Variants in MATCAP2 observed in about 807,000 individuals in gnomAD.
MATCAP2 encodes microtubule associated tyrosine carboxypeptidase 2.
the MATCAP2 span, among the ~76,000 whole-genome samples, chr7:36,375,080 G>A: frequency 3.9e-4 from 60 of 152,238 alleles, no homozygotes; most frequent in African/African-American, 1.2e-3. Context: ...GGATCAAATC[G>A]TATTTCTAGT....
At chr7:36,334,047 A>G in the MATCAP2 span, 1 of 1,614,158 alleles carries the variant, frequency 6.2e-7, no homozygotes, top group South Asian at 1.1e-5. Context: ...AACACTGTGA[A>G]TGCTTGCTAG....
chr7:36,364,317 A>G, the MATCAP2 span, among the ~76,000 whole-genome samples: 2 of 152,034 alleles, frequency 1.3e-5, no homozygotes, highest in Non-Finnish European at 2.9e-5. Context: ...TGAACTCCTG[A>G]GCTCAGGTAA....
the MATCAP2 span, among the ~76,000 whole-genome samples, chr7:36,378,494 G>A: frequency 6.6e-6 from 1 of 152,328 alleles, no homozygotes; most frequent in Non-Finnish European, 1.5e-5. Context: ...GCACCCAGCT[G>A]TATGAGGTGT....
chr7:36,363,397 T>C, the MATCAP2 span, among the ~76,000 whole-genome samples: 73 of 152,368 alleles, frequency 4.8e-4, no homozygotes, highest in African/African-American at 1.7e-3. Context: ...TCACAGCATT[T>C]TGTTAATGAA....
the MATCAP2 span, among the ~76,000 whole-genome samples, chr7:36,373,848 G>A: frequency 2.9e-4 from 44 of 151,984 alleles, no homozygotes; most frequent in Non-Finnish European, 5.3e-4. Flanking sequence ...GCAGTGGCAC[G>A]ATCTCAGCTC....
At chr7:36,385,787 A>AAAAAT in the MATCAP2 span, among the ~76,000 whole-genome samples, 21,897 of 119,160 alleles carry the variant, frequency 0.18, 2,461 homozygotes, top group South Asian at 0.24. Context: ...CCCTATTTCA[A>AAAAAT]AAAATAAAAT....
the MATCAP2 span, among the ~76,000 whole-genome samples, chr7:36,329,057 A>G: frequency 6.6e-6 from 1 of 152,128 alleles, no homozygotes; most frequent in African/African-American, 2.4e-5. Context: ...AAAATAAATA[A>G]ATAAATAAAA....
At chr7:36,379,843 C>CAGAGAGAGAG in the MATCAP2 span, among the ~76,000 whole-genome samples, 855 of 127,220 alleles carry the variant, frequency 6.7e-3, 6 homozygotes, top group Non-Finnish European at 0.01. Flanking sequence ...CACACACACA[C>CAGAGAGAGAG]ACACAGAGAG....
the MATCAP2 span, among the ~76,000 whole-genome samples, chr7:36,354,341 A>G: frequency 2.6e-5 from 4 of 152,250 alleles, no homozygotes; most frequent in African/African-American, 9.6e-5. Context: ...CCTCGGTTCC[A>G]CTGTGGCAGA....
chr7:36,359,945 T>C, the MATCAP2 span, among the ~76,000 whole-genome samples: 2 of 152,028 alleles, frequency 1.3e-5, no homozygotes, highest in Non-Finnish European at 2.9e-5. Flanking sequence ...AGGGAAAGAC[T>C]GAAAGAACTC....
the MATCAP2 span, among the ~76,000 whole-genome samples, chr7:36,348,834 G>A: frequency 6.6e-6 from 1 of 152,196 alleles, no homozygotes; most frequent in East Asian, 1.9e-4. Context: ...TAAGCATATA[G>A]AAACTAAAGA....
At chr7:36,348,438 A>T in the MATCAP2 span, among the ~76,000 whole-genome samples, 1 of 152,242 alleles carries the variant, frequency 6.6e-6, no homozygotes, top group East Asian at 1.9e-4. Flanking sequence ...GCATATTTAC[A>T]TTCCAATGCT....
chr7:36,330,502 T>G, the MATCAP2 span, among the ~76,000 whole-genome samples: 1 of 152,172 alleles, frequency 6.6e-6, no homozygotes, highest in Non-Finnish European at 1.5e-5. Context: ...AATGTATAAA[T>G]CTTGATTGGA....
chr7:36,338,573 A>G, the MATCAP2 span, among the ~76,000 whole-genome samples: 14 of 152,228 alleles, frequency 9.2e-5, no homozygotes, highest in Non-Finnish European at 1.8e-4. Flanking sequence ...GATTACAGGT[A>G]TGAGTCACCA....
the MATCAP2 span, among the ~76,000 whole-genome samples, chr7:36,364,296 C>T: frequency 3.3e-5 from 5 of 152,086 alleles, no homozygotes; most frequent in African/African-American, 9.7e-5. Flanking sequence ...CCGTGTTGCC[C>T]AGGCTGGTCT....
the MATCAP2 span, among the ~76,000 whole-genome samples, chr7:36,329,006 G>A: frequency 1.3e-5 from 2 of 151,968 alleles, no homozygotes; most frequent in African/African-American, 4.8e-5. Context: ...TCGCGCCATT[G>A]CACCCAGCCT....
chr7:36,346,143 G>A, the MATCAP2 span, among the ~76,000 whole-genome samples: 1 of 152,110 alleles, frequency 6.6e-6, no homozygotes, highest in African/African-American at 2.4e-5. Context: ...AAAAAGGGCT[G>A]ATGAGAACGT....
the MATCAP2 span, among the ~76,000 whole-genome samples, chr7:36,352,388 C>T: frequency 7.9e-6 from 1 of 126,656 alleles, no homozygotes; most frequent in Non-Finnish European, 1.6e-5. Flanking sequence ...CAGAGTGAGA[C>T]TCCATCTTAA....
At chr7:36,359,860 G>A in the MATCAP2 span, among the ~76,000 whole-genome samples, 2 of 152,196 alleles carry the variant, frequency 1.3e-5, no homozygotes, top group African/African-American at 4.8e-5. Flanking sequence ...GAATAATGTC[G>A]GTTTCCCTCA....
Sources: gnomAD v4.1 joint callset for allele counts (sites outside exome capture counted in the v4.1 genomes callset) on GRCh38, gnomAD v4.1.1 for gene constraint, MANE v1.5 for transcripts, NCBI Gene and HGNC (gene_info 2026-07-23, HGNC 2026-07-21) for gene names.